The following ACTR2 variants were observed in gnomAD, a reference collection of about 807,000 sequenced individuals.
ACTR2 encodes actin-related protein 2.
ACTR2 carries 5 observed loss-of-function variants against 50.2 expected under a neutral mutation model. The ratio of observed to expected loss-of-function variants is 0.10; its 90% confidence interval spans 0.05 to 0.21. The LOEUF (loss-of-function observed/expected upper bound fraction) is 0.21. Ranked by LOEUF, ACTR2 falls within the 10% of genes least tolerant of loss-of-function variation. The pLI, the probability that ACTR2 is intolerant of heterozygous loss-of-function variation, is 1.00. For synonymous variants in ACTR2, 140 were observed against 162.9 expected, an observed-to-expected ratio of 0.86 and a Z score of 1.07; for missense variants, 180 against 480.6, an observed-to-expected ratio of 0.37 and a Z score of 5.85.
chr2:65,241,964 C>T (rs1297144458), intron 2 of ACTR2: 13 of 1,560,872 alleles, frequency 8.3e-6, no homozygotes, highest in Non-Finnish European at 1.1e-5. Flanking sequence ...TATGTTTAAA[C>T]ATTTCAGTGA....
At chr2:65,232,552 G>T (rs1258266489) in intron 1 of ACTR2, among the ~76,000 whole-genome samples, 1 of 152,116 alleles carries the variant, frequency 6.6e-6, no homozygotes, top group South Asian at 2.1e-4. Flanking sequence ...CAGTCACTGT[G>T]CAGTTAACTT....
In ACTR2 at chr2:65,255,694, A is replaced by C; in HGVS notation, c.735A>C (p.Thr245=). The change falls in exon 6 of 9, where the codon ACA becomes ACC. Residue 245 remains threonine (T), a splice_region_variant and synonymous_variant. Transcript: ENST00000260641. ...CCACAGTATTAGTTGAATCTTATACAGTAAGTGTTTCCAGTGTATAATATA... is the reference window on the plus strand; with the variant it reads ...CCACAGTATTAGTTGAATCTTATACCGTAAGTGTTTCCAGTGTATAATATA... The part of the protein sequence containing the change: ...LETTVLVESY[T]LPDGRIIKVG... The C allele has an allele frequency of 6.2e-7, 1 of 1,612,224 alleles. No homozygotes were observed.
chr2:65,251,840 G>A (rs1034131155), intron 4 of ACTR2, among the ~76,000 whole-genome samples: 1 of 152,096 alleles, frequency 6.6e-6, no homozygotes, highest in Non-Finnish European at 1.5e-5. Context: ...TTTAATGGAG[G>A]GGACTACTTA....
At position 65,227,960 on chromosome 2, in the gene ACTR2, A is replaced by C; in HGVS notation, c.48+3A>C. On this transcript the variant is annotated splice_donor_region_variant and intron_variant, in intron 1 of 8. Coordinates refer to ENST00000260641, the MANE Select transcript of ACTR2 (RefSeq NM_005722.4). Reference sequence around the variant, plus strand: ...TGGTGTGCGACAACGGCACCGGGGTAAGGGCCGCGCGAGGAGGCCTTGGCG... The same window carrying C: ...TGGTGTGCGACAACGGCACCGGGGTCAGGGCCGCGCGAGGAGGCCTTGGCG... 6.6e-7 allele frequency: 1 copy of C among 1,510,446 alleles called. No individual in the cohort carries two copies. Among genetic ancestry groups the C allele is most frequent in the Non-Finnish European group, 8.8e-7 (1 of 1,130,548 alleles). 93.6% of individuals were successfully genotyped at this position (1,510,446 alleles called of 1,614,324 possible).
chr2:65,261,541 A>C, intron 7 of ACTR2, 149 bp downstream of exon 7: 1 of 811,204 alleles, frequency 1.2e-6, no homozygotes, highest in Non-Finnish European at 1.9e-6. Context: ...GAAAGGTTGC[A>C]AGAAAAATGC....
chr2:65,254,141 GGAGT>G (rs1232642534), intron 5 of ACTR2, among the ~76,000 whole-genome samples: 1 of 152,144 alleles, frequency 6.6e-6, no homozygotes, highest in East Asian at 1.9e-4. Flanking sequence ...TTATTCCTGA[GGAGT>G]GAGTAGACAG....
At chr2:65,260,146 T>C (rs1384548555) in intron 6 of ACTR2, among the ~76,000 whole-genome samples, 2 of 152,220 alleles carry the variant, frequency 1.3e-5, no homozygotes, top group Non-Finnish European at 2.9e-5. Context: ...GTGGTACACA[T>C]GTTATAAAGT....
intron 1 of ACTR2, among the ~76,000 whole-genome samples, chr2:65,236,857 G>A (rs1209239793): frequency 1.3e-5 from 2 of 152,026 alleles, no homozygotes; most frequent in Admixed American, 6.6e-5. Flanking sequence ...CTATCAAGAG[G>A]TACATTGCTC....
chr2:65,261,908 CCT>C (rs756652735), intron 7 of ACTR2, among the ~76,000 whole-genome samples: 76 of 152,306 alleles, frequency 5.0e-4, no homozygotes, highest in Admixed American at 2.0e-3. Flanking sequence ...CGTTACCTTT[CCT>C]CTTTTTGATA....
intron 2 of ACTR2, among the ~76,000 whole-genome samples, chr2:65,245,781 C>G (rs1299756321): frequency 1.3e-5 from 2 of 152,104 alleles, no homozygotes; most frequent in Non-Finnish European, 2.9e-5. Context: ...TCATTGGAGA[C>G]AAGACTTGTG....
intron 7 of ACTR2, among the ~76,000 whole-genome samples, chr2:65,263,554 G>A (rs1456865964): frequency 2.0e-5 from 3 of 152,150 alleles, no homozygotes; most frequent in Admixed American, 2.0e-4. Context: ...AATTAATTTT[G>A]ATGGGATGGC....
At chr2:65,247,864 G>T (rs941332023) in intron 3 of ACTR2, among the ~76,000 whole-genome samples, 2 of 152,156 alleles carry the variant, frequency 1.3e-5, no homozygotes, top group South Asian at 4.1e-4. Context: ...GGTTAACGGG[G>T]AGTGGGAGGT....
At chr2:65,231,289 TGAATC>T (rs1341969516) in intron 1 of ACTR2, among the ~76,000 whole-genome samples, 2 of 152,192 alleles carry the variant, frequency 1.3e-5, no homozygotes, top group Non-Finnish European at 2.9e-5. Context: ...TTAAAATACA[TGAATC>T]ATATAACAGG....
Position 65,268,089 on chromosome 2 carries a change from G to A in ACTR2, c.1015-475G>A, listed in dbSNP as rs936942696. 7.3e-5 allele frequency among the ~76,000 whole-genome samples: 11 copies of A among 151,704 alleles called. 1 individual carries two copies. Among genetic ancestry groups the A allele is most frequent in the African/African-American group, 2.7e-4 (11 of 41,414 alleles). ...CCTGACCTCGTGATCCGCCCGCCTT[G>A]GCCTCCCAAAGTGCTGGGATTACAC... On this transcript the variant is annotated intron_variant, in intron 8 of 8. Coordinates refer to ENST00000260641, the MANE Select transcript of ACTR2 (RefSeq NM_005722.4).
chr2:65,261,450 TAA>T, intron 7 of ACTR2, 58 bp downstream of exon 7: 1 of 1,461,972 alleles, frequency 6.8e-7, no homozygotes, highest in Non-Finnish European at 9.3e-7. Context: ...AAAATAGTTT[TAA>T]AGTTATTTAT....
Position 65,255,548 on chromosome 2 carries a change from C to A in ACTR2, c.589C>A (p.Leu197Ile). 6.2e-7 allele frequency: 1 copy of A among 1,613,192 alleles called. No individual in the cohort carries two copies. The highest frequency in any genetic ancestry group is 8.5e-7 in the Non-Finnish European group (1 of 1,179,462). The change falls in exon 6 of 9, where the codon CTT becomes ATT. Residue 197 changes from leucine to isoleucine, a missense_variant. By Grantham distance (5) the Leu-to-Ile change is conservative (BLOSUM62 2). Transcript: ENST00000260641. Reference protein sequence around the residue: ...RDITRYLIKLLLLRGYAFNHS... With the variant: ...RDITRYLIKLILLRGYAFNHS... ...TATTGCTATTGTTTTGTACCAGCTA[C>A]TTCTGTTGCGAGGATACGCCTTCAA... is the stretch of plus-strand genomic sequence containing the variant.
At chr2:65,234,632 T>C (rs905175159) in intron 1 of ACTR2, among the ~76,000 whole-genome samples, 5 of 152,220 alleles carry the variant, frequency 3.3e-5, no homozygotes, top group Non-Finnish European at 5.9e-5. Flanking sequence ...GTATGTCCAG[T>C]GTGTGTAGCT....
At chr2:65,254,226 A>G (rs1412391208) in intron 5 of ACTR2, among the ~76,000 whole-genome samples, 1 of 152,198 alleles carries the variant, frequency 6.6e-6, no homozygotes, top group Non-Finnish European at 1.5e-5. Flanking sequence ...TTTCTGCCAT[A>G]AAACCTTTCT....
chr2:65,246,079 A>G (rs1671933166), intron 2 of ACTR2: 1 of 155,902 alleles, frequency 6.4e-6, no homozygotes, highest in African/African-American at 2.4e-5. Context: ...GCTTTATAGT[A>G]CTTACATTTA....
Sources: allele counts gnomAD v4.1 joint callset (sites outside exome capture counted in the v4.1 genomes callset), GRCh38; gene constraint gnomAD v4.1.1; transcripts MANE v1.5; gene names NCBI Gene and HGNC (gene_info 2026-07-23, HGNC 2026-07-21).